Variants in PCBP2 observed in about 807,000 individuals in gnomAD.
The protein encoded by PCBP2 is poly(rC)-binding protein 2.
PCBP2 carries 4 observed loss-of-function variants against 50.1 expected under a neutral mutation model. The observed-to-expected ratio is 0.08, with a 90% CI of 0.04 to 0.18. The LOEUF is 0.18. Among genes scored for constraint, PCBP2 ranks in the 10% least tolerant of loss-of-function variants. PCBP2 has a pLI of 1.00. For synonymous variants in PCBP2, 179 were observed against 168.0 expected, an observed-to-expected ratio of 1.07 and a Z score of -0.51; for missense variants, 161 against 474.3, an observed-to-expected ratio of 0.34 and a Z score of 6.14.
At chr12:53,474,043 T>TA (rs1394993316) in intron 14 of PCBP2, among the ~76,000 whole-genome samples, 1 of 152,226 alleles carries the variant, frequency 6.6e-6, no homozygotes. Context: ...CTTAGACACA[T>TA]ACAGGCATTT....
intron 10 of PCBP2, among the ~76,000 whole-genome samples, chr12:53,466,319 C>G (rs1941820115): frequency 3.3e-5 from 5 of 152,128 alleles, no homozygotes; most frequent in African/African-American, 1.2e-4. Flanking sequence ...TCCTTGCATG[C>G]AGTTCTCTTT....
In PCBP2 at chr12:53,465,926, T is replaced by C. The variant is rs772155218; in HGVS notation, c.673-6T>C. On this transcript the variant is annotated splice_region_variant and splice_polypyrimidine_tract_variant and intron_variant, in intron 9 of 14. Transcript: ENST00000546463. ...TTTAATAGGAACTGTTTTCCTCCTT[T>C]TGTAGGCCTATACCATTCAAGGACA... The C allele has an allele frequency of 8.1e-6, 13 of 1,611,070 alleles. 1 individual carries two copies. The South Asian group carries it at 9.9e-5, about 12-fold the overall frequency.
chr12:53,456,439 C>A (rs1044779926), intron 5 of PCBP2, among the ~76,000 whole-genome samples: 1 of 150,024 alleles, frequency 6.7e-6, no homozygotes, highest in African/African-American at 2.5e-5. Flanking sequence ...GCCTGGGCAA[C>A]AGAGTGAGAC....
At chr12:53,467,441 A>G in intron 11 of PCBP2, 148 bp downstream of exon 11, 1 of 754,104 alleles carries the variant, frequency 1.3e-6, no homozygotes. Flanking sequence ...GCTAAGCCCA[A>G]GGAGGTAATG....
chr12:53,470,401 A>AG (rs200221029), intron 13 of PCBP2, among the ~76,000 whole-genome samples: 30,579 of 102,766 alleles, frequency 0.3, 4,610 homozygotes, highest in Non-Finnish European at 0.4. Context: ...AAAAAAAAAA[A>AG]AGTGTAGTGG....
chr12:53,463,898 T>G (rs986148882), intron 8 of PCBP2, among the ~76,000 whole-genome samples: 4 of 152,230 alleles, frequency 2.6e-5, no homozygotes, highest in Non-Finnish European at 5.9e-5. Context: ...TTTCACATTG[T>G]GTTGAATTGG....
At chr12:53,452,404 C>T (rs1382089683) in intron 1 of PCBP2, 28 bp downstream of exon 1, 1 of 149,780 alleles carries the variant, frequency 6.7e-6, no homozygotes, top group Non-Finnish European at 1.5e-5. Context: ...CCTTGCGCCC[C>T]CGGCTATGGC....
rs758205415 is a variant in PCBP2, at chr12:53,459,964, G to GC, written c.375+564dup. 3.9e-5 allele frequency: 16 copies of GC among 414,628 alleles called. 1 individual carries two copies. Among genetic ancestry groups the GC allele is most frequent in the South Asian group, 2.7e-4 (16 of 59,338 alleles). The allele number at this position is 414,628 out of a possible 1,614,324, so 25.7% of individuals were successfully genotyped here. Reference sequence around the variant, plus strand: ...TGTAAAAATGGTGTTTTGCCATGTGGCCCAGGCTGGTTTCGAACTCCTGAG... The same window carrying GC: ...TGTAAAAATGGTGTTTTGCCATGTGGCCCCAGGCTGGTTTCGAACTCCTGAG... On this transcript the variant is annotated intron_variant, in intron 6 of 14. Transcript: ENST00000546463.
chr12:53,467,835 G>A lies in PCBP2; in HGVS notation c.818G>A (p.Gly273Asp). 6.2e-7 allele frequency: 1 copy of A among 1,611,254 alleles called. No homozygotes were observed. Residue 273 changes from glycine (G) to aspartate (D), a missense_variant, in exon 12 of 15, where the codon GGC (glycine) becomes GAC (aspartate). Transcript: ENST00000546463. ...GAATCCAGCTCTCCAGAGGTGAAAGGCTATTGGGGTAATGATTAAAAAAAA... is the reference window on the plus strand; with the variant it reads ...GAATCCAGCTCTCCAGAGGTGAAAGACTATTGGGGTAATGATTAAAAAAAA... ...GIESSSPEVK[G>D]YWAGLDASAQ...
intron 10 of PCBP2, among the ~76,000 whole-genome samples, chr12:53,466,497 C>G (rs1371897197): frequency 6.6e-6 from 1 of 152,158 alleles, no homozygotes; most frequent in Non-Finnish European, 1.5e-5. Context: ...GCTAAAACCT[C>G]CTATTTAAAA....
At chr12:53,478,099 G>A (rs570967827) in intron 14 of PCBP2, among the ~76,000 whole-genome samples, 1 of 152,338 alleles carries the variant, frequency 6.6e-6, no homozygotes, top group Admixed American at 6.5e-5. Flanking sequence ...AGGCATTGTA[G>A]CCAGGTATGT....
At chr12:53,469,772 T>TG (rs1489654256) in intron 13 of PCBP2, among the ~76,000 whole-genome samples, 1 of 150,036 alleles carries the variant, frequency 6.7e-6, no homozygotes, top group Non-Finnish European at 1.5e-5. Context: ...TTTTTTTTTT[T>TG]TTTTTTTGAG....
chr12:53,478,287 C>T (rs1942785823), intron 14 of PCBP2, among the ~76,000 whole-genome samples: 1 of 152,082 alleles, frequency 6.6e-6, no homozygotes, highest in Non-Finnish European at 1.5e-5. Context: ...ACAAGTGGAT[C>T]ACCTGAGGTC....
intron 12 of PCBP2, chr12:53,468,461 C>T (rs1941970769): frequency 2.8e-6 from 1 of 362,856 alleles, no homozygotes; most frequent in Non-Finnish European, 5.0e-6. Context: ...TACAGAAGGA[C>T]TTGTTTAGAC....
At position 53,458,224 on chromosome 12, in the gene PCBP2, C is replaced by T. The variant is rs1360936508; in HGVS notation, c.244-1048C>T. 2.0e-5 allele frequency among the ~76,000 whole-genome samples: 3 copies of T among 151,700 alleles called. 1 individual carries two copies. The highest frequency in any genetic ancestry group is 7.3e-5 in the African/African-American group (3 of 41,258). ...AATACAGGCCTGAGCCACCGTGCCCCGCCTGTTTTTAGTTTTCTAACAGGG... is the reference window on the plus strand; with the variant it reads ...AATACAGGCCTGAGCCACCGTGCCCTGCCTGTTTTTAGTTTTCTAACAGGG... On this transcript the variant is annotated intron_variant, in intron 5 of 14. Coordinates refer to ENST00000546463, the MANE Select transcript of PCBP2 (RefSeq NM_031989.5).
intron 5 of PCBP2, among the ~76,000 whole-genome samples, chr12:53,456,672 C>G (rs1941042282): frequency 6.6e-6 from 1 of 152,186 alleles, no homozygotes. Context: ...AATCTGCTAA[C>G]ATTGTGTCAA....
intron 14 of PCBP2, among the ~76,000 whole-genome samples, chr12:53,478,226 A>G (rs1368782418): frequency 6.6e-6 from 1 of 152,182 alleles, no homozygotes; most frequent in Non-Finnish European, 1.5e-5. Flanking sequence ...AGAACTTTTT[A>G]AGGCCGGGTG....
chr12:53,470,283 A>G (rs998524140), intron 13 of PCBP2, among the ~76,000 whole-genome samples: 3 of 147,676 alleles, frequency 2.0e-5, no homozygotes, highest in African/African-American at 7.4e-5. Context: ...AGGCTGAGGC[A>G]GGAGAATCCC....
Position 53,481,139 on chromosome 12 carries a change from T to C in PCBP2, c.*1697T>C. ...TATATATATATGTATATATATATAA[T>C]TTATATAAATATTTCTCTATGTACA... On this transcript the variant is annotated 3_prime_UTR_variant, in exon 15 of 15. Coordinates refer to ENST00000546463, the MANE Select transcript of PCBP2 (RefSeq NM_031989.5). The C allele has an allele frequency of 3.8e-6, 3 of 797,984 alleles. No individual in the cohort carries two copies. Among genetic ancestry groups the C allele is most frequent in the Non-Finnish European group, 3.4e-6 (2 of 595,438 alleles). 49.4% of individuals were successfully genotyped at this position (797,984 alleles called of 1,614,324 possible).
Sources: allele counts gnomAD v4.1 joint callset (sites outside exome capture counted in the v4.1 genomes callset), GRCh38; gene constraint gnomAD v4.1.1; transcripts MANE v1.5; gene names NCBI Gene and HGNC (gene_info 2026-07-23, HGNC 2026-07-21).